The following EEA1 variants were observed in gnomAD, a reference collection of about 807,000 sequenced individuals.
The protein encoded by EEA1 is early endosome antigen 1, 162kD.
EEA1 carries 111 observed loss-of-function variants against 209.2 expected under a neutral mutation model. The observed-to-expected ratio is 0.53, with a 90% CI of 0.45 to 0.62. The LOEUF is 0.62. EEA1 is among the 20% of genes least tolerant of loss of function. EEA1 has a pLI of 0.00. For missense variants in EEA1, 1,343 were observed against 1,530.8 expected, an observed-to-expected ratio of 0.88 and a Z score of 2.05; for synonymous variants, 536 against 540.6, an observed-to-expected ratio of 0.99 and a Z score of 0.12.
intron 3 of EEA1, among the ~76,000 whole-genome samples, chr12:92,859,988 T>C (rs1262285770): frequency 6.6e-6 from 1 of 152,234 alleles, no homozygotes; most frequent in African/African-American, 2.4e-5. Flanking sequence ...AAAAGGCAGT[T>C]ACCATTAAAC....
chr12:92,792,981 T>C (rs1042380990), intron 21 of EEA1, among the ~76,000 whole-genome samples: 9 of 152,130 alleles, frequency 5.9e-5, no homozygotes, highest in Admixed American at 6.6e-5. Context: ...GTTCAACATA[T>C]GCAAATCAAT....
intron 3 of EEA1, among the ~76,000 whole-genome samples, chr12:92,859,576 C>G (rs1247115404): frequency 1.3e-5 from 2 of 152,076 alleles, no homozygotes; most frequent in Non-Finnish European, 2.9e-5. Context: ...CTATTCTGTC[C>G]CTAGGTGTTT....
At chr12:92,803,248 A>G (rs1264398048) in intron 18 of EEA1, among the ~76,000 whole-genome samples, 2 of 152,090 alleles carry the variant, frequency 1.3e-5, no homozygotes, top group African/African-American at 4.8e-5. Context: ...TTTTATTTAC[A>G]ATATAGAGGG....
At chr12:92,813,514 C>A (rs1875624689) in intron 15 of EEA1, among the ~76,000 whole-genome samples, 2 of 152,176 alleles carry the variant, frequency 1.3e-5, no homozygotes, top group African/African-American at 4.8e-5. Flanking sequence ...TCAAAACAGC[C>A]AGACAACTGG....
In EEA1 at chr12:92,858,519, G is replaced by A. The variant is rs879075849; in HGVS notation, c.246-1034C>T. On this transcript the variant is annotated intron_variant, in intron 3 of 28. Coordinates refer to ENST00000322349, the MANE Select transcript of EEA1 (RefSeq NM_003566.4). ...GTTTGGCTACGCCACTGATGAAACTGAGGAGTGTATGTAGGCCTTTAACCA... is the reference window on the plus strand; with the variant it reads ...GTTTGGCTACGCCACTGATGAAACTAAGGAGTGTATGTAGGCCTTTAACCA... 53 of 831,860 alleles carry A rather than the reference G, an allele frequency of 6.4e-5. No individual in the cohort carries two copies. In the South Asian group the frequency reaches 7.2e-4, roughly 11 times the overall value. The allele number at this position is 831,860 out of a possible 1,614,324, so 51.5% of individuals were successfully genotyped here.
At chr12:92,897,332 C>T (rs540531564) in intron 1 of EEA1, among the ~76,000 whole-genome samples, 2 of 152,230 alleles carry the variant, frequency 1.3e-5, no homozygotes, top group Admixed American at 6.5e-5. Context: ...TGATTGGTTG[C>T]CTTTTGCAAC....
At chr12:92,888,154 G>C (rs2136751447) in intron 2 of EEA1, among the ~76,000 whole-genome samples, 1 of 152,156 alleles carries the variant, frequency 6.6e-6, no homozygotes, top group East Asian at 1.9e-4. Context: ...CAAAAAAAAA[G>C]GTCTGTATGT....
At chr12:92,889,073 T>C (rs1226815144) in intron 2 of EEA1, among the ~76,000 whole-genome samples, 4 of 151,468 alleles carry the variant, frequency 2.6e-5, no homozygotes, top group African/African-American at 9.7e-5. Context: ...AATCATTTGA[T>C]CCTGGGAGGT....
At chr12:92,801,829 G>C in intron 19 of EEA1, 128 bp from the exon 20 acceptor site, 1 of 534,038 alleles carries the variant, frequency 1.9e-6, no homozygotes, top group Non-Finnish European at 3.0e-6. Flanking sequence ...GATGAGACAG[G>C]ATCATCCATT....
At chr12:92,788,273 T>TC in intron 21 of EEA1, among the ~76,000 whole-genome samples, 1 of 151,984 alleles carries the variant, frequency 6.6e-6, no homozygotes, top group Non-Finnish European at 1.5e-5. Flanking sequence ...AATTAATTTT[T>TC]TTTTTTTTTT....
At chr12:92,778,817 A>G (rs1376779416) in intron 25 of EEA1, among the ~76,000 whole-genome samples, 2 of 152,048 alleles carry the variant, frequency 1.3e-5, no homozygotes, top group Non-Finnish European at 2.9e-5. Context: ...TAGCATTCAC[A>G]CCATTTACCA....
intron 21 of EEA1, among the ~76,000 whole-genome samples, chr12:92,792,401 A>T (rs886855283): frequency 6.6e-6 from 1 of 152,300 alleles, no homozygotes; most frequent in African/African-American, 2.4e-5. Flanking sequence ...AAAGAAGAAA[A>T]GAGAGAAGAA....
chr12:92,904,298 A>G (rs1253233424), intron 1 of EEA1, among the ~76,000 whole-genome samples: 1 of 152,190 alleles, frequency 6.6e-6, no homozygotes, highest in Non-Finnish European at 1.5e-5. Flanking sequence ...TTTGGCCTTG[A>G]CAAAAAGATC....
chr12:92,867,773 C>T (rs976013985), intron 2 of EEA1, among the ~76,000 whole-genome samples: 1 of 152,086 alleles, frequency 6.6e-6, no homozygotes, highest in East Asian at 1.9e-4. Flanking sequence ...CCTGTGGCAG[C>T]AGTTAATACT....
At chr12:92,807,249 G>A (rs911540317) in intron 18 of EEA1, among the ~76,000 whole-genome samples, 3 of 138,844 alleles carry the variant, frequency 2.2e-5, no homozygotes, top group South Asian at 2.1e-4. Flanking sequence ...CCACAAGGCC[G>A]ATAATTTTTT....
At chr12:92,795,833 T>C (rs1010558292) in intron 21 of EEA1, among the ~76,000 whole-genome samples, 4 of 152,204 alleles carry the variant, frequency 2.6e-5, no homozygotes, top group African/African-American at 9.6e-5. Flanking sequence ...AAATACTGCT[T>C]CTTTTCTTTA....
rs372848901 is a variant in EEA1, at chr12:92,816,160, T to C, written c.1929+40A>G. Reference sequence around the variant, plus strand: ...ACAGAATTTAAAACATTTGACGGTCTAAAACTGGTGCTTTACACAAACATT... The same window carrying C: ...ACAGAATTTAAAACATTTGACGGTCCAAAACTGGTGCTTTACACAAACATT... On this transcript the variant is annotated intron_variant, in intron 15 of 28. Coordinates refer to ENST00000322349, the MANE Select transcript of EEA1 (RefSeq NM_003566.4). The C allele has an allele frequency of 5.0e-5, 79 of 1,569,528 alleles. No individual in the cohort carries two copies. In the Middle Eastern group the frequency reaches 5.0e-4, roughly 10 times the overall value.
intron 13 of EEA1, among the ~76,000 whole-genome samples, chr12:92,823,988 T>A (rs1273667280): frequency 6.6e-6 from 1 of 152,228 alleles, no homozygotes. Context: ...ATTCACTCTA[T>A]CAAACTTTTT....
At chr12:92,903,457 G>A (rs1176490497) in intron 1 of EEA1, among the ~76,000 whole-genome samples, 6 of 151,572 alleles carry the variant, frequency 4.0e-5, no homozygotes, top group Admixed American at 2.0e-4. Context: ...AATTAGCCAG[G>A]CGTGGTGGCA....
Sources: allele counts gnomAD v4.1 joint callset (sites outside exome capture counted in the v4.1 genomes callset), GRCh38; gene constraint gnomAD v4.1.1; transcripts MANE v1.5; gene names NCBI Gene and HGNC (gene_info 2026-07-23, HGNC 2026-07-21).